Variants in ZNF25 observed in about 807,000 individuals in gnomAD.
ZNF25 encodes the protein zinc finger protein 25.
ZNF25 carries 21 observed loss-of-function variants against 30.9 expected under a neutral mutation model. The observed-to-expected ratio is 0.68, with a 90% CI of 0.48 to 0.98. ZNF25 has a LOEUF of 0.98. ZNF25 is among the 50% of genes least tolerant of loss of function. The probability of loss-of-function intolerance (pLI) is 0.00; values close to 1 mark genes in which losing one functional copy is unlikely to be tolerated. For synonymous variants in ZNF25, 169 were observed against 181.3 expected, an observed-to-expected ratio of 0.93 and a Z score of 0.55; for missense variants, 501 against 529.9, an observed-to-expected ratio of 0.95 and a Z score of 0.54.
Position 37,953,389 on chromosome 10 carries a change from G to T in ZNF25, c.303-194C>A, listed in dbSNP as rs756181451. 6.9e-5 allele frequency: 43 copies of T among 624,958 alleles called. 1 individual carries two copies. Among genetic ancestry groups the T allele is most frequent in the Admixed American group, 6.2e-4 (19 of 30,600 alleles). The allele number at this position is 624,958 out of a possible 1,614,324, so 38.7% of individuals were successfully genotyped here. A position where few individuals can be genotyped will look rare whatever the true frequency, so the allele number is the denominator to read the frequency against. On this transcript the variant is annotated intron_variant, in intron 5 of 5. Coordinates refer to ENST00000302609, the MANE Select transcript of ZNF25 (RefSeq NM_145011.4). ...ACTGTAGTTTAACATTTGGTAAGGT[G>T]AATCTGCATTTGCATTCTATTCACA... is the stretch of plus-strand genomic sequence containing the variant.
chr10:37,976,204 CG>C (rs1026192449), intron 1 of ZNF25, among the ~76,000 whole-genome samples: 6 of 152,260 alleles, frequency 3.9e-5, no homozygotes, highest in African/African-American at 1.4e-4. Context: ...CACGTCCCTG[CG>C]GCTTTGGAGC....
chr10:37,970,066 T>C (rs776677550), intron 2 of ZNF25, among the ~76,000 whole-genome samples: 1 of 152,132 alleles, frequency 6.6e-6, no homozygotes, highest in Non-Finnish European at 1.5e-5. Flanking sequence ...GGCTGGCATG[T>C]TGTAGCTTGA....
chr10:37,960,386 G>T (rs189995309), intron 2 of ZNF25, among the ~76,000 whole-genome samples: 1 of 149,990 alleles, frequency 6.7e-6, no homozygotes, highest in Non-Finnish European at 1.5e-5. Context: ...AGGCTGAGGC[G>T]GGCGGATCAC....
intron 2 of ZNF25, among the ~76,000 whole-genome samples, chr10:37,959,644 C>G (rs1013046793): frequency 4.0e-5 from 6 of 151,804 alleles, no homozygotes; most frequent in Admixed American, 2.0e-4. Flanking sequence ...GAGTCTGGCT[C>G]TGTCTCCCAG....
intron 2 of ZNF25, among the ~76,000 whole-genome samples, chr10:37,965,469 C>G (rs1281728007): frequency 6.6e-6 from 1 of 152,152 alleles, no homozygotes; most frequent in Non-Finnish European, 1.5e-5. Flanking sequence ...CTGTGAAAGC[C>G]AAAAGGCAGT....
chr10:37,958,310 A>C (rs942473921), intron 2 of ZNF25, among the ~76,000 whole-genome samples: 7 of 152,238 alleles, frequency 4.6e-5, no homozygotes, highest in African/African-American at 1.7e-4. Context: ...AACTTTAGGA[A>C]TAAAGAAAAC....
chr10:37,952,417 G>A lies in ZNF25; in HGVS notation c.1081C>T (p.Gln361Ter). The change falls in exon 6 of 6, where the codon CAG (glutamine) becomes TAG (stop). Residue 361 changes from glutamine to a stop codon, truncating the protein, a stop_gained. Coordinates refer to ENST00000302609, the MANE Select transcript of ZNF25 (RefSeq NM_145011.4). LOFTEE classifies it low-confidence loss of function (END_TRUNC). ...GGCTTCTCCCCTGTGTGTTTTCTCT[G>A]ATGTTTAGTGAGGTCTGATTTATAG... ...FYYKSDLTKH[Q>*]RKHTGEKPYE... 2 of 1,614,120 alleles carry A rather than the reference G, an allele frequency of 1.2e-6. No individual in the cohort carries two copies. The highest frequency in any genetic ancestry group is 1.7e-6 in the Non-Finnish European group (2 of 1,179,980).
At chr10:37,961,985 C>T (rs552834984) in intron 2 of ZNF25, among the ~76,000 whole-genome samples, 4 of 150,478 alleles carry the variant, frequency 2.7e-5, no homozygotes, top group African/African-American at 9.8e-5. Flanking sequence ...GCCTGTAATC[C>T]CAGCACTTTG....
chr10:37,969,011 A>G (rs2063339975), intron 2 of ZNF25, among the ~76,000 whole-genome samples: 1 of 152,158 alleles, frequency 6.6e-6, no homozygotes, highest in South Asian at 2.1e-4. Context: ...AATAGCAGAA[A>G]AAAGCACAAT....
At chr10:37,971,948 G>A (rs111470410) in intron 1 of ZNF25, 141 bp from the exon 2 acceptor site, 18 of 562,256 alleles carry the variant, frequency 3.2e-5, no homozygotes, top group African/African-American at 2.3e-4. Context: ...TAATGTTGAT[G>A]AGCCTGGGAC....
In ZNF25 at chr10:37,952,370, G is replaced by T. The variant is rs1406708337; in HGVS notation, c.1128C>A (p.Gly376=). 2 of 1,612,402 alleles carry T rather than the reference G, an allele frequency of 1.2e-6. No homozygotes were observed. The highest frequency in any genetic ancestry group is 1.7e-6 in the Non-Finnish European group (2 of 1,179,550). ...GGACTGAATTCACAGCAAAAGATTTGCCACATTCTGTGCATTCATAGGGCT... is the reference window on the plus strand; with the variant it reads ...GGACTGAATTCACAGCAAAAGATTTTCCACATTCTGTGCATTCATAGGGCT... ...GEKPYECTEC[G]KSFAVNSVLR... The change falls in exon 6 of 6, where the codon GGC becomes GGA. Residue 376 remains glycine, a synonymous_variant. Coordinates refer to ENST00000302609, the MANE Select transcript of ZNF25 (RefSeq NM_145011.4).
Position 37,952,486 on chromosome 10 carries a change from C to CT in ZNF25, c.1011dup (p.Gly338ArgfsTer6). ...TTATTACATTCAAAGGGTTTCTCCC[C>CT]TGTGTGAGTTCGCTGATGTACTGTG... On this transcript the variant is annotated frameshift_variant, in exon 6 of 6. Transcript: ENST00000302609. LOFTEE classifies it high-confidence loss of function. The CT allele has an allele frequency of 6.2e-7, 1 of 1,613,986 alleles. No homozygotes were observed. The highest frequency in any genetic ancestry group is 8.5e-7 in the Non-Finnish European group (1 of 1,179,972).
chr10:37,975,697 G>T (rs537614635), intron 1 of ZNF25, among the ~76,000 whole-genome samples: 1 of 152,200 alleles, frequency 6.6e-6, no homozygotes, highest in Non-Finnish European at 1.5e-5. Flanking sequence ...GAGGATGCAG[G>T]AAGGCCTTAA....
At chr10:37,968,207 GC>G (rs1192513225) in intron 2 of ZNF25, among the ~76,000 whole-genome samples, 1 of 150,246 alleles carries the variant, frequency 6.7e-6, no homozygotes, top group East Asian at 2.0e-4. Flanking sequence ...ACAGGCACAT[GC>G]CATCATGCCT....
At chr10:37,962,483 A>G (rs2062945419) in intron 2 of ZNF25, among the ~76,000 whole-genome samples, 1 of 152,202 alleles carries the variant, frequency 6.6e-6, no homozygotes, top group South Asian at 2.1e-4. Context: ...CTTAAACTGA[A>G]AGAATTGAAA....
chr10:37,952,784 G>A lies in ZNF25; in HGVS notation c.714C>T (p.Phe238=), dbSNP rs745382857. ...KPFECTECGK[F]FYVKAYLMVH... is the part of the protein sequence containing the mutation. ...CCATGAGGTATGCCTTCACATAGAA[G>A]AACTTCCCACATTCAGTACATTCAA... The change falls in exon 6 of 6, where the codon TTC becomes TTT. Residue 238 remains phenylalanine (F), a synonymous_variant. Coordinates refer to ENST00000302609, the MANE Select transcript of ZNF25 (RefSeq NM_145011.4). 2.5e-6 allele frequency: 4 copies of A among 1,612,200 alleles called. No homozygotes were observed. Among genetic ancestry groups the A allele is most frequent in the Non-Finnish European group, 8.5e-7 (1 of 1,179,426 alleles).
At chr10:37,958,140 A>G (rs1022249129) in intron 2 of ZNF25, among the ~76,000 whole-genome samples, 2 of 152,238 alleles carry the variant, frequency 1.3e-5, no homozygotes, top group Non-Finnish European at 2.9e-5. Flanking sequence ...CGAGGAGCTT[A>G]TATTTTTGCC....
chr10:37,968,763 A>G (rs1448632102), intron 2 of ZNF25, among the ~76,000 whole-genome samples: 1 of 152,216 alleles, frequency 6.6e-6, no homozygotes. Flanking sequence ...CCCTTGAACA[A>G]CACAGGCTTG....
chr10:37,967,855 G>A (rs1486273134), intron 2 of ZNF25: 1 of 152,112 alleles, frequency 6.6e-6, no homozygotes, highest in East Asian at 1.9e-4. Flanking sequence ...AATTCAAAAT[G>A]GATCAATGAC....
Sources: allele counts gnomAD v4.1 joint callset (sites outside exome capture counted in the v4.1 genomes callset), GRCh38; gene constraint gnomAD v4.1.1; transcripts MANE v1.5; gene names NCBI Gene and HGNC (gene_info 2026-07-23, HGNC 2026-07-21).